The following ZNF536 variants were observed in gnomAD, a reference collection of about 807,000 sequenced individuals.
ZNF536 encodes the protein zinc finger protein 536.
ZNF536 carries 13 observed loss-of-function variants against 84.5 expected under a neutral mutation model. The observed-to-expected ratio is 0.15, with a 90% confidence interval of 0.10 to 0.24. ZNF536 has a LOEUF of 0.24. Ranked by LOEUF, ZNF536 falls within the 10% of genes least tolerant of loss-of-function variation. The pLI, the probability that ZNF536 is intolerant of heterozygous loss-of-function variation, is 1.00. For synonymous variants in ZNF536, 811 were observed against 742.5 expected (o/e 1.09, Z -1.50); for missense variants, 1,536 against 1,747.5 (o/e 0.88, Z 2.16).
intron 2 of ZNF536, among the ~76,000 whole-genome samples, chr19:30,313,110 G>A (rs964795486): frequency 3.3e-5 from 5 of 152,240 alleles, no homozygotes; most frequent in African/African-American, 1.2e-4. Context: ...AGGTGACAAG[G>A]CCGTGGCAGA....
chr19:30,694,834 A>G (rs1343234351), intron 1 of ZNF536, among the ~76,000 whole-genome samples: 1 of 152,264 alleles, frequency 6.6e-6, no homozygotes, highest in East Asian at 1.9e-4. Context: ...TGGAGCTCAC[A>G]GTCAGGGTGG....
At chr19:30,530,575 GACCTC>G (rs2044764147) in intron 2 of ZNF536, among the ~76,000 whole-genome samples, 1 of 152,112 alleles carries the variant, frequency 6.6e-6, no homozygotes, top group Admixed American at 6.6e-5. Flanking sequence ...TCAAACTCCT[GACCTC>G]AGATGATCTG....
chr19:30,667,236 C>G (rs892774318), intron 1 of ZNF536, among the ~76,000 whole-genome samples: 2 of 152,196 alleles, frequency 1.3e-5, no homozygotes, highest in Non-Finnish European at 2.9e-5. Flanking sequence ...CACGCCTGAA[C>G]AGGTGTAATT....
chr19:30,595,284 C>G (rs776167541), intron 1 of ZNF536, among the ~76,000 whole-genome samples: 2 of 151,922 alleles, frequency 1.3e-5, no homozygotes, highest in Non-Finnish European at 2.9e-5. Flanking sequence ...AATCACGGTT[C>G]TTTTTTTTAA....
At chr19:30,477,683 TCTC>T (rs1415471453) in intron 2 of ZNF536, among the ~76,000 whole-genome samples, 1 of 152,114 alleles carries the variant, frequency 6.6e-6, no homozygotes, top group Non-Finnish European at 1.5e-5. Context: ...GAAACTGAAA[TCTC>T]CTCCACTGTG....
chr19:30,303,736 A>C (rs931560585), intron 2 of ZNF536, among the ~76,000 whole-genome samples: 10 of 152,064 alleles, frequency 6.6e-5, no homozygotes, highest in African/African-American at 2.4e-4. Flanking sequence ...GTCCTGATCC[A>C]CTTGCCTCGG....
At chr19:30,646,168 C>G (rs1474754823) in intron 1 of ZNF536, among the ~76,000 whole-genome samples, 1 of 152,202 alleles carries the variant, frequency 6.6e-6, no homozygotes, top group Non-Finnish European at 1.5e-5. Context: ...CGATTCCTCT[C>G]CCCTCTGCCT....
At chr19:30,468,425 C>T (rs1050821319) in intron 2 of ZNF536, among the ~76,000 whole-genome samples, 3 of 152,112 alleles carry the variant, frequency 2.0e-5, no homozygotes, top group African/African-American at 7.2e-5. Flanking sequence ...TAGCTGCTGC[C>T]TGCATGGGGT....
chr19:30,446,230 CAG>C (rs1255671223), intron 2 of ZNF536, among the ~76,000 whole-genome samples: 1 of 102,732 alleles, frequency 9.7e-6, no homozygotes, highest in Non-Finnish European at 1.7e-5. Context: ...GCCTGAGCGA[CAG>C]AGTGAGACAC....
In ZNF536 at chr19:30,517,725, T is replaced by G. The variant is rs573975730; in HGVS notation, c.2171-17122T>G. ...GGAGCCCAGGAGGTCGAGGCTGCAG[T>G]GAGCCATGATCACACCACTGCATTC... On this transcript the variant is annotated intron_variant, in intron 2 of 4. Coordinates refer to ENST00000355537, the MANE Select transcript of ZNF536 (RefSeq NM_014717.3). 8.5e-5 allele frequency among the ~76,000 whole-genome samples: 13 copies of G among 152,220 alleles called. No individual in the cohort carries two copies. In the East Asian group the frequency reaches 2.3e-3, roughly 27 times the overall value.
chr19:30,568,727 G>C (rs1350824018), intron 1 of ZNF536, among the ~76,000 whole-genome samples: 1 of 152,220 alleles, frequency 6.6e-6, no homozygotes, highest in Non-Finnish European at 1.5e-5. Flanking sequence ...ATGCTCTGGG[G>C]CAGCCGAGAT....
intron 1 of ZNF536, among the ~76,000 whole-genome samples, chr19:30,252,406 C>T (rs574095837): frequency 3.1e-4 from 47 of 152,214 alleles, no homozygotes; most frequent in African/African-American, 1.0e-3. Context: ...CTGGTGCCTC[C>T]GGGGGAGCTG....
At chr19:30,307,383 C>T (rs962966289) in intron 2 of ZNF536, among the ~76,000 whole-genome samples, 29 of 91,892 alleles carry the variant, frequency 3.2e-4, no homozygotes, top group Admixed American at 1.8e-3. Context: ...GGCCAGAGGA[C>T]GTGCAAAAAA....
At chr19:30,535,139 T>A in intron 3 of ZNF536, 140 bp downstream of exon 3, 1 of 962,634 alleles carries the variant, frequency 1.0e-6, no homozygotes, top group African/African-American at 1.7e-5. Context: ...GCCACCATTG[T>A]ATGGCTCAGA....
intron 2 of ZNF536, among the ~76,000 whole-genome samples, chr19:30,526,332 G>T (rs1005564451): frequency 1.3e-5 from 2 of 152,202 alleles, no homozygotes; most frequent in African/African-American, 4.8e-5. Flanking sequence ...GATGACAGGG[G>T]ATGTTGTCAC....
intron 1 of ZNF536, among the ~76,000 whole-genome samples, chr19:30,697,976 G>A (rs79481453): frequency 6.6e-6 from 1 of 152,216 alleles, no homozygotes; most frequent in Admixed American, 6.5e-5. Flanking sequence ...TTTAATTTTA[G>A]TATGGATTTA....
intron 1 of ZNF536, among the ~76,000 whole-genome samples, chr19:30,706,220 C>T (rs2052220064): frequency 1.3e-5 from 2 of 152,180 alleles, no homozygotes; most frequent in African/African-American, 4.8e-5. Context: ...CGCGGTGGCT[C>T]ACGCCTGTAA....
At chr19:30,361,221 C>T (rs550971380) in intron 3 of ZNF536, among the ~76,000 whole-genome samples, 20 of 152,234 alleles carry the variant, frequency 1.3e-4, no homozygotes, top group Admixed American at 8.5e-4. Context: ...TCTTGCCATT[C>T]GGCACCCGAC....
At chr19:30,491,303 G>A (rs2054499786) in intron 2 of ZNF536, among the ~76,000 whole-genome samples, 1 of 152,094 alleles carries the variant, frequency 6.6e-6, no homozygotes, top group African/African-American at 2.4e-5. Flanking sequence ...TAAGACAGAA[G>A]GCCTTCTGTC....
Sources: gnomAD v4.1 joint callset for allele counts (sites outside exome capture counted in the v4.1 genomes callset) on GRCh38, gnomAD v4.1.1 for gene constraint, MANE v1.5 for transcripts, NCBI Gene and HGNC (gene_info 2026-07-23, HGNC 2026-07-21) for gene names.